Variants in MSANTD2 observed in about 807,000 individuals in gnomAD.
MSANTD2 encodes myb/SANT-like DNA-binding domain-containing protein 2.
In MSANTD2, 19 loss-of-function variants were observed where a neutral mutation model predicts 52.6. That is an observed-to-expected ratio of 0.36 (90% CI 0.25 to 0.53). MSANTD2 has a LOEUF of 0.53. Among genes scored for constraint, MSANTD2 ranks in the 20% least tolerant of loss-of-function variants. The probability of loss-of-function intolerance (pLI) is 0.91; values close to 1 mark genes in which losing one functional copy is unlikely to be tolerated. For synonymous variants in MSANTD2, 291 were observed against 289.7 expected (o/e 1.00, Z -0.04); for missense variants, 558 against 716.3 (o/e 0.78, Z 2.52).
intron 3 of MSANTD2, among the ~76,000 whole-genome samples, chr11:124,771,162 C>T (rs977951069): frequency 6.6e-6 from 1 of 152,228 alleles, no homozygotes; most frequent in Non-Finnish European, 1.5e-5. Flanking sequence ...GCATGAGTCA[C>T]CACGCCCAAC....
At chr11:124,786,307 T>C (rs1945161509) in intron 1 of MSANTD2, among the ~76,000 whole-genome samples, 1 of 152,132 alleles carries the variant, frequency 6.6e-6, no homozygotes, top group Non-Finnish European at 1.5e-5. Flanking sequence ...GATTCTACTT[T>C]TAGCTTTCTC....
chr11:124,772,742 CAAAAAAA>C (rs57859579), intron 3 of MSANTD2, among the ~76,000 whole-genome samples: 14 of 57,926 alleles, frequency 2.4e-4, no homozygotes, highest in South Asian at 1.8e-3. Context: ...GATTCCGTCT[CAAAAAAA>C]AAAAAAAAAA....
chr11:124,785,337 G>C (rs1233285948), intron 1 of MSANTD2, among the ~76,000 whole-genome samples: 1 of 152,230 alleles, frequency 6.6e-6, no homozygotes, highest in Non-Finnish European at 1.5e-5. Flanking sequence ...TGTTAAAAGA[G>C]AGTGTCCCTG....
intron 1 of MSANTD2, chr11:124,791,930 G>A (rs1455920842): frequency 7.3e-6 from 2 of 274,116 alleles, no homozygotes; most frequent in African/African-American, 4.5e-5. Flanking sequence ...GTTCAGTATA[G>A]TGTCATTATG....
chr11:124,787,855 G>C (rs1945208514), intron 1 of MSANTD2, among the ~76,000 whole-genome samples: 1 of 151,958 alleles, frequency 6.6e-6, no homozygotes, highest in Admixed American at 6.6e-5. Flanking sequence ...CACTTTCGGA[G>C]GCCAAAGTGG....
intron 1 of MSANTD2, among the ~76,000 whole-genome samples, chr11:124,778,608 T>C (rs999481926): frequency 2.0e-5 from 3 of 152,064 alleles, no homozygotes; most frequent in Admixed American, 2.0e-4. Context: ...GAGGAGTTCA[T>C]GGTATTTGAT....
At chr11:124,796,075 CT>C (rs1269728811) in intron 1 of MSANTD2, among the ~76,000 whole-genome samples, 2 of 152,158 alleles carry the variant, frequency 1.3e-5, no homozygotes, top group African/African-American at 4.8e-5. Flanking sequence ...AAATTAAAAT[CT>C]TGTGTGCTTA....
chr11:124,784,192 C>G, intron 1 of MSANTD2: 1 of 985,312 alleles, frequency 1.0e-6, no homozygotes, highest in Non-Finnish European at 1.2e-6. Flanking sequence ...AAAGAACTGA[C>G]TGGGATTAGA....
chr11:124,792,980 G>A (rs1396572988), intron 1 of MSANTD2, among the ~76,000 whole-genome samples: 1 of 152,102 alleles, frequency 6.6e-6, no homozygotes, highest in African/African-American at 2.4e-5. Context: ...GAATTCAGGA[G>A]CCCAGCACCA....
At chr11:124,791,633 T>C in intron 1 of MSANTD2, 1 of 1,477,458 alleles carries the variant, frequency 6.8e-7, no homozygotes, top group African/African-American at 1.4e-5. Context: ...GCTTCCATCC[T>C]TCCAGACTTT....
chr11:124,791,093 C>T (rs1945317377), intron 1 of MSANTD2: 1 of 601,422 alleles, frequency 1.7e-6, no homozygotes, highest in African/African-American at 1.8e-5. Context: ...GTGTAAGGGA[C>T]CAAGAAGTGA....
intron 3 of MSANTD2, among the ~76,000 whole-genome samples, chr11:124,770,745 A>G (rs1413742495): frequency 6.7e-6 from 1 of 150,060 alleles, no homozygotes; most frequent in Non-Finnish European, 1.5e-5. Flanking sequence ...AGCTGGGATT[A>G]CAGGTGTGTG....
intron 1 of MSANTD2, among the ~76,000 whole-genome samples, chr11:124,799,488 G>A (rs1038014283): frequency 6.6e-6 from 1 of 152,216 alleles, no homozygotes; most frequent in South Asian, 2.1e-4. Flanking sequence ...GCCCCGGCCG[G>A]TAAGCCTCTG....
chr11:124,787,481 A>G (rs951962403), intron 1 of MSANTD2, among the ~76,000 whole-genome samples: 1 of 152,154 alleles, frequency 6.6e-6, no homozygotes, highest in African/African-American at 2.4e-5. Flanking sequence ...CCTGGGTTCA[A>G]GTGATTGTTC....
Position 124,800,113 on chromosome 11 carries a change from CG to C in MSANTD2, c.267del (p.Ala91LeufsTer89). ...SVSFSPGGGG[G>X]GAAAAAAAAC... ...GCGGCGGCGGCGGCTGCCGCAGCCC[CG>C]CCACCGCCGCCACCAGGGGAGAAGG... On this transcript the variant is annotated frameshift_variant, in exon 1 of 4. Transcript: ENST00000374979. LOFTEE classifies it high-confidence loss of function. This position sits in a 1 kb window ranked among gnomAD's most constrained non-coding sequence, Gnocchi z 4.3. 1 of 1,482,106 alleles carries C rather than the reference CG, an allele frequency of 6.7e-7. No individual in the cohort carries two copies. The highest frequency in any genetic ancestry group is 1.5e-5 in the African/African-American group (1 of 67,462). 91.8% of individuals were successfully genotyped at this position (1,482,106 alleles called of 1,614,324 possible). A position where few individuals can be genotyped will look rare whatever the true frequency, so the allele number is the denominator to read the frequency against.
chr11:124,776,108 G>T (rs1175626489), intron 1 of MSANTD2: 1 of 152,088 alleles, frequency 6.6e-6, no homozygotes, highest in African/African-American at 2.4e-5. Context: ...TCTTTTCCCT[G>T]GTGGCTACCA....
intron 3 of MSANTD2, among the ~76,000 whole-genome samples, chr11:124,768,240 A>C (rs182929229): frequency 1.3e-5 from 2 of 152,216 alleles, no homozygotes; most frequent in African/African-American, 4.8e-5. Context: ...TGTACTGGGC[A>C]GTGTAAGTCT....
At chr11:124,772,859 T>C in intron 3 of MSANTD2, 135 bp downstream of exon 3, 1 of 618,302 alleles carries the variant, frequency 1.6e-6, no homozygotes, top group South Asian at 1.7e-5. Context: ...CCTGATTAAA[T>C]CTAAAGAATG....
chr11:124,798,082 G>C (rs1443876367), intron 1 of MSANTD2, among the ~76,000 whole-genome samples: 1 of 151,992 alleles, frequency 6.6e-6, no homozygotes, highest in Admixed American at 6.6e-5. Flanking sequence ...ATAGACGCTA[G>C]CCAAGACAGT....
Sources: allele counts gnomAD v4.1 joint callset (sites outside exome capture counted in the v4.1 genomes callset), GRCh38; gene constraint gnomAD v4.1.1; non-coding constraint Gnocchi (gnomAD v3.1); transcripts MANE v1.5; gene names NCBI Gene and HGNC (gene_info 2026-07-23, HGNC 2026-07-21).